UPK1B: variants seen among roughly 807,000 people sequenced by gnomAD.
UPK1B encodes the protein uroplakin 1B, also known as uroplakin-1b.
Under a neutral mutation model 34.2 loss-of-function variants are expected in UPK1B, and 28 were observed. The ratio of observed to expected loss-of-function variants is 0.82; its 90% CI spans 0.61 to 1.12. The LOEUF (loss-of-function observed/expected upper bound fraction) is 1.12. Ranked by LOEUF, UPK1B falls within the 50% of genes most tolerant of loss-of-function variation. The pLI, the probability that UPK1B is intolerant of heterozygous loss-of-function variation, is 0.00. For synonymous variants in UPK1B, 81 were observed against 110.4 expected, an observed-to-expected ratio of 0.73 and a Z score of 1.67; for missense variants, 325 against 320.9, an observed-to-expected ratio of 1.01 and a Z score of -0.10.
At chr3:119,188,558 G>A (rs1306330526) in intron 3 of UPK1B, among the ~76,000 whole-genome samples, 1 of 152,208 alleles carries the variant, frequency 6.6e-6, no homozygotes, top group Non-Finnish European at 1.5e-5. Flanking sequence ...CCACTGTAGA[G>A]TGAGCCTTCA....
intron 7 of UPK1B, among the ~76,000 whole-genome samples, chr3:119,200,361 T>A (rs540323772): frequency 1.2e-4 from 18 of 152,348 alleles, no homozygotes; most frequent in Admixed American, 1.2e-3. Flanking sequence ...CCACAAGTAG[T>A]AGCTTCTTAA....
At chr3:119,195,238 G>A (rs1346231767) in intron 6 of UPK1B, among the ~76,000 whole-genome samples, 2 of 152,218 alleles carry the variant, frequency 1.3e-5, no homozygotes, top group Non-Finnish European at 2.9e-5. Flanking sequence ...CAAAAGCCCT[G>A]ATGAGAACCT....
Position 119,179,352 on chromosome 3 carries a change from G to GATATATAT in UPK1B, c.-29+5753_-29+5760dup, listed in dbSNP as rs60685268. 3.0e-3 allele frequency among the ~76,000 whole-genome samples: 141 copies of GATATATAT among 46,790 alleles called. 3 individuals are homozygous for GATATATAT. The highest frequency in any genetic ancestry group is 0.01 in the Middle Eastern group (1 of 98). The allele number at this position is 46,790 out of a possible 152,430, so 30.7% of individuals were successfully genotyped here. On this transcript the variant is annotated intron_variant, in intron 1 of 7. Coordinates refer to ENST00000264234, the MANE Select transcript of UPK1B (RefSeq NM_006952.4). ...AGAGAGAGGGAGAGAGAGAGAGGGAGATATATATATATATATATATATATA... is the reference window on the plus strand; with the variant it reads ...AGAGAGAGGGAGAGAGAGAGAGGGAGATATATATATATATATATATATATATATATATA...
chr3:119,191,683 C>T (rs1424247303), intron 5 of UPK1B, among the ~76,000 whole-genome samples: 1 of 152,176 alleles, frequency 6.6e-6, no homozygotes, highest in Non-Finnish European at 1.5e-5. Context: ...TCTATGAACT[C>T]TTTACTATCT....
chr3:119,193,321 T>G (rs115989903), intron 5 of UPK1B, among the ~76,000 whole-genome samples: 1 of 152,220 alleles, frequency 6.6e-6, no homozygotes. Flanking sequence ...CATAACATAG[T>G]GACAAAATTG....
At chr3:119,189,859 A>G (rs112854863) in intron 3 of UPK1B, among the ~76,000 whole-genome samples, 1 of 152,260 alleles carries the variant, frequency 6.6e-6, no homozygotes, top group African/African-American at 2.4e-5. Flanking sequence ...GTGATACACT[A>G]AGACTCTCTT....
intron 7 of UPK1B, among the ~76,000 whole-genome samples, chr3:119,201,111 CTGCCT>C (rs964681542): frequency 1.1e-4 from 16 of 152,150 alleles, no homozygotes; most frequent in African/African-American, 3.4e-4. Context: ...TTTAGTGACT[CTGCCT>C]TGATTCTTGC....
chr3:119,187,679 G>A, intron 2 of UPK1B, 96 bp from the exon 3 acceptor site: 1 of 1,304,446 alleles, frequency 7.7e-7, no homozygotes, highest in Admixed American at 1.7e-5. Flanking sequence ...TAAAGCCTGT[G>A]CAGGAAAGGG....
intron 4 of UPK1B, 50 bp downstream of exon 4, chr3:119,190,369 C>T (rs1299089438): frequency 2.8e-6 from 4 of 1,417,124 alleles, no homozygotes; most frequent in Non-Finnish European, 4.0e-6. Context: ...ATTATTATAA[C>T]AACCAACATG....
chr3:119,176,549 T>A (rs970231764), intron 1 of UPK1B, among the ~76,000 whole-genome samples: 3 of 152,208 alleles, frequency 2.0e-5, no homozygotes, highest in Non-Finnish European at 2.9e-5. Context: ...GAGTAAATCA[T>A]CATCATACCA....
intron 5 of UPK1B, among the ~76,000 whole-genome samples, chr3:119,192,009 C>T (rs2078047059): frequency 1.3e-5 from 2 of 152,130 alleles, no homozygotes; most frequent in African/African-American, 2.4e-5. Flanking sequence ...GACTCAGCAA[C>T]ATTTAGTCTC....
At chr3:119,194,867 T>G (rs2078059211) in intron 6 of UPK1B, among the ~76,000 whole-genome samples, 1 of 152,222 alleles carries the variant, frequency 6.6e-6, no homozygotes, top group African/African-American at 2.4e-5. Flanking sequence ...TAATAAACAT[T>G]AGGTTGGTGA....
chr3:119,199,140 TGTGA>T lies in UPK1B; in HGVS notation c.732+3_732+6del, dbSNP rs766558002. ...TTGGATTTGCCATTCTCTGCTGGAC[TGTGA>T]GTATTTCCCAGCACATATTTTATCT... is the stretch of plus-strand genomic sequence containing the variant. On this transcript the variant is annotated splice_donor_variant and splice_donor_region_variant and intron_variant, in intron 7 of 7. Transcript: ENST00000264234. LOFTEE classifies it high-confidence loss of function. 5 of 1,614,076 alleles carry T rather than the reference TGTGA, an allele frequency of 3.1e-6. No homozygotes were observed. The highest frequency in any genetic ancestry group is 4.2e-6 in the Non-Finnish European group (5 of 1,179,940).
At chr3:119,181,834 A>G (rs918777497) in intron 1 of UPK1B, among the ~76,000 whole-genome samples, 6 of 152,238 alleles carry the variant, frequency 3.9e-5, no homozygotes, top group African/African-American at 1.4e-4. Flanking sequence ...GACTCTTGCA[A>G]TAAAGTGCAG....
chr3:119,197,474 T>C (rs771775694), intron 6 of UPK1B, among the ~76,000 whole-genome samples: 6 of 152,196 alleles, frequency 3.9e-5, no homozygotes, highest in Non-Finnish European at 7.4e-5. Context: ...CTTATATATA[T>C]ATTATTAGAT....
intron 1 of UPK1B, among the ~76,000 whole-genome samples, 164 bp downstream of exon 1, chr3:119,173,802 T>C (rs2077940084): frequency 6.6e-6 from 1 of 152,218 alleles, no homozygotes; most frequent in Non-Finnish European, 1.5e-5. Flanking sequence ...ATTGTGACTG[T>C]CCTGTTCTCT....
chr3:119,189,386 A>G (rs990117579), intron 3 of UPK1B, among the ~76,000 whole-genome samples: 3 of 152,226 alleles, frequency 2.0e-5, no homozygotes, highest in Non-Finnish European at 4.4e-5. Context: ...GACACTGACC[A>G]CAGTGCCCCT....
intron 1 of UPK1B, among the ~76,000 whole-genome samples, chr3:119,175,122 G>A (rs943826639): frequency 7.2e-6 from 1 of 138,178 alleles, no homozygotes; most frequent in African/African-American, 2.7e-5. Context: ...CTGCCTCCCG[G>A]GTAGATGCCA....
rs755621798 is a variant in UPK1B at position 119,199,048 on chromosome 3, C to G, written c.649-9C>G. 8.1e-6 allele frequency: 13 copies of G among 1,614,048 alleles called. No individual in the cohort carries two copies. Among genetic ancestry groups the G allele is most frequent in the Non-Finnish European group, 1.7e-6 (2 of 1,179,968 alleles). On this transcript the variant is annotated splice_polypyrimidine_tract_variant and intron_variant, in intron 6 of 7. Coordinates refer to ENST00000264234, the MANE Select transcript of UPK1B (RefSeq NM_006952.4). ...TCTCACACTAATGTGGAATTGCCCACTCCTTCAGGGCTGCTATGAACTGAT... is the reference window on the plus strand; with the variant it reads ...TCTCACACTAATGTGGAATTGCCCAGTCCTTCAGGGCTGCTATGAACTGAT...
Sources: gnomAD v4.1 joint callset for allele counts (sites outside exome capture counted in the v4.1 genomes callset) on GRCh38, gnomAD v4.1.1 for gene constraint, MANE v1.5 for transcripts, NCBI Gene and HGNC (gene_info 2026-07-23, HGNC 2026-07-21) for gene names.